SMIM35: variants seen among roughly 807,000 people sequenced by gnomAD.
SMIM35 encodes the protein TMPRSS4 antisense RNA 1 (non-protein coding).
intron 1 of SMIM35, among the ~76,000 whole-genome samples, chr11:118,038,059 G>C (rs1455126263): frequency 6.6e-6 from 1 of 152,188 alleles, no homozygotes; most frequent in Non-Finnish European, 1.5e-5. Flanking sequence ...AGCCCTCAGT[G>C]ATTCAATTAG....
intron 1 of SMIM35, among the ~76,000 whole-genome samples, chr11:118,063,008 C>A (rs1944415378): frequency 6.6e-6 from 1 of 152,122 alleles, no homozygotes; most frequent in African/African-American, 2.4e-5. Context: ...CTCACTGCTG[C>A]ACTCCCACCA....
intron 1 of SMIM35, among the ~76,000 whole-genome samples, chr11:118,083,286 C>A (rs1306265238): frequency 2.0e-5 from 3 of 152,244 alleles, no homozygotes; most frequent in Non-Finnish European, 2.9e-5. Flanking sequence ...GACGGCCACA[C>A]ACACTTGAAG....
At chr11:118,066,302 C>T (rs953004865) in intron 1 of SMIM35, among the ~76,000 whole-genome samples, 2 of 152,138 alleles carry the variant, frequency 1.3e-5, no homozygotes, top group African/African-American at 4.8e-5. Flanking sequence ...TGAAATTGCT[C>T]TGCCCTCCTG....
intron 1 of SMIM35, chr11:118,028,992 C>T (rs530666421): frequency 8.1e-6 from 3 of 371,068 alleles, no homozygotes; most frequent in African/African-American, 6.4e-5. Flanking sequence ...ATAGTCATTT[C>T]ACTTTTTGAA....
At chr11:118,072,509 T>A (rs532826572) in intron 1 of SMIM35, among the ~76,000 whole-genome samples, 2 of 152,056 alleles carry the variant, frequency 1.3e-5, no homozygotes, top group Non-Finnish European at 2.9e-5. Context: ...AACTGGCAAT[T>A]GATATATCAT....
At position 118,005,037 on chromosome 11, in the gene SMIM35, A is replaced by C. The variant is rs1372331810; in HGVS notation, c.*1373T>G. 1 of 152,210 alleles carries C rather than the reference A, an allele frequency of 6.6e-6. No homozygotes were observed. The highest frequency in any genetic ancestry group is 2.4e-5 in the African/African-American group (1 of 41,418). The allele number at this position is 152,210 out of a possible 1,614,324, so 9.4% of individuals were successfully genotyped here. A position where few individuals can be genotyped will look rare whatever the true frequency, so the allele number is the denominator to read the frequency against. On this transcript the variant is annotated 3_prime_UTR_variant, in exon 5 of 5. Transcript: ENST00000689828. ...TTAAGACCTCACAGTGACCCTGGAG[A>C]GAACAGGAACATTCTTCAGAATCCT...
At chr11:118,042,068 A>AAAAAGAGAG (rs1555073518) in intron 1 of SMIM35, among the ~76,000 whole-genome samples, 3 of 117,860 alleles carry the variant, frequency 2.5e-5, no homozygotes, top group African/African-American at 1.0e-4. Context: ...AAAAAAAAAA[A>AAAAAGAGAG]AGAGAGAGAG....
rs1200869505 is a variant in SMIM35 at position 118,013,898 on chromosome 11, A to G, written c.159-18T>C. On this transcript the variant is annotated intron_variant, in intron 3 of 4. Coordinates refer to ENST00000689828, the MANE Select transcript of SMIM35 (RefSeq NM_001394165.1). The stretch of plus-strand genomic sequence containing the variant: ...TCAGGTTCCTGAAAAAGATGATCCA[A>G]TCAGGCTACTGGAGCTGATAACCTA... The G allele has an allele frequency of 1.0e-5, 4 of 398,928 alleles. No homozygotes were observed. Among genetic ancestry groups the G allele is most frequent in the Admixed American group, 8.8e-5 (2 of 22,718 alleles). 24.7% of individuals were successfully genotyped at this position (398,928 alleles called of 1,614,324 possible). A position where few individuals can be genotyped will look rare whatever the true frequency, so the allele number is the denominator to read the frequency against.
intron 4 of SMIM35, among the ~76,000 whole-genome samples, chr11:118,006,837 C>T (rs1438944607): frequency 1.3e-5 from 2 of 152,130 alleles, no homozygotes; most frequent in East Asian, 3.8e-4. Flanking sequence ...CCCTACAACT[C>T]TTGGGTGTTG....
chr11:118,026,602 T>TGG (rs1341858736), intron 1 of SMIM35, among the ~76,000 whole-genome samples: 1 of 152,162 alleles, frequency 6.6e-6, no homozygotes, highest in Middle Eastern at 3.2e-3. Context: ...GGACATCAGA[T>TGG]GGGCACATGA....
chr11:118,055,059 C>T (rs914542237), intron 1 of SMIM35, among the ~76,000 whole-genome samples: 1 of 152,196 alleles, frequency 6.6e-6, no homozygotes, highest in Non-Finnish European at 1.5e-5. Context: ...TCTGCCTCAG[C>T]CTCCCAAAGT....
At chr11:118,050,743 G>A (rs770580019) in intron 1 of SMIM35, among the ~76,000 whole-genome samples, 2 of 152,322 alleles carry the variant, frequency 1.3e-5, no homozygotes, top group Middle Eastern at 3.4e-3. Context: ...TGCAAGTTCA[G>A]AGGCTTTGGG....
At chr11:118,072,454 C>T (rs1207706860) in intron 1 of SMIM35, among the ~76,000 whole-genome samples, 1 of 152,206 alleles carries the variant, frequency 6.6e-6, no homozygotes, top group Non-Finnish European at 1.5e-5. Flanking sequence ...TGACATTGCA[C>T]TCCAACCTGG....
intron 1 of SMIM35, among the ~76,000 whole-genome samples, chr11:118,085,780 A>G (rs1040821560): frequency 1.4e-3 from 212 of 152,212 alleles, no homozygotes; most frequent in African/African-American, 5.0e-3. Context: ...CCCTCCAGCC[A>G]TTGTCCAGGC....
At chr11:118,055,993 T>C (rs1205875239) in intron 1 of SMIM35, among the ~76,000 whole-genome samples, 1 of 151,760 alleles carries the variant, frequency 6.6e-6, no homozygotes, top group African/African-American at 2.4e-5. Flanking sequence ...TGGTCAGTAG[T>C]CAGTTGCCAA....
chr11:118,013,953 C>T, intron 3 of SMIM35, 73 bp from the exon 4 acceptor site: 1 of 398,138 alleles, frequency 2.5e-6, no homozygotes. Flanking sequence ...TCTCCCTTGA[C>T]TCCAGGGCAC....
intron 1 of SMIM35, among the ~76,000 whole-genome samples, chr11:118,032,389 A>G (rs1236833140): frequency 6.6e-6 from 1 of 152,184 alleles, no homozygotes; most frequent in Admixed American, 6.5e-5. Context: ...GAAAAAGCAA[A>G]GTTTAAGTGG....
At chr11:118,068,245 T>G (rs564801796) in intron 1 of SMIM35, among the ~76,000 whole-genome samples, 1 of 152,158 alleles carries the variant, frequency 6.6e-6, no homozygotes, top group African/African-American at 2.4e-5. Flanking sequence ...CTGGATGCTC[T>G]TCCTCCCATT....
intron 3 of SMIM35, 134 bp from the exon 4 acceptor site, chr11:118,014,014 C>A: frequency 2.5e-6 from 1 of 394,962 alleles, no homozygotes; most frequent in South Asian, 1.4e-4. Flanking sequence ...TTACCATAAT[C>A]ATCTCTCAGG....
Sources: gnomAD v4.1 joint callset for allele counts (sites outside exome capture counted in the v4.1 genomes callset) on GRCh38, gnomAD v4.1.1 for gene constraint, MANE v1.5 for transcripts, NCBI Gene and HGNC (gene_info 2026-07-23, HGNC 2026-07-21) for gene names.